Variants in IL17RB observed in about 807,000 individuals in gnomAD.
The protein encoded by IL17RB is interleukin-17 receptor B.
IL17RB carries 36 observed loss-of-function variants against 43.9 expected under a neutral mutation model. The observed-to-expected ratio is 0.82, with a 90% CI of 0.63 to 1.08. The LOEUF (loss-of-function observed/expected upper bound fraction) is 1.08, where lower values mean the gene tolerates loss of function less well. IL17RB is among the 50% of genes least tolerant of loss of function. IL17RB has a pLI of 0.00. For missense variants in IL17RB, 613 were observed against 613.6 expected (o/e 1.00, Z 0.01); for synonymous variants, 225 against 225.4 (o/e 1.00, Z 0.02).
chr3:53,846,920 G>A (rs747338690), intron 1 of IL17RB, among the ~76,000 whole-genome samples: 35 of 152,194 alleles, frequency 2.3e-4, no homozygotes, highest in Non-Finnish European at 5.1e-4. Flanking sequence ...ACGGTAAAAC[G>A]AAGGGCAGTA....
At chr3:53,860,015 TA>T in intron 9 of IL17RB, 114 bp from the exon 10 acceptor site, 1 of 753,356 alleles carries the variant, frequency 1.3e-6, no homozygotes, top group Non-Finnish European at 2.1e-6. Context: ...GTCTCAAAAC[TA>T]AAAAATAATA....
chr3:53,848,572 T>G, intron 1 of IL17RB, 92 bp from the exon 2 acceptor site: 1 of 1,259,530 alleles, frequency 7.9e-7, no homozygotes, highest in South Asian at 1.2e-5. Flanking sequence ...GTATATGCAT[T>G]TAAGGGGAAA....
rs1699444956 is a variant in IL17RB at position 53,858,733 on chromosome 3, T to C, written c.762T>C (p.Phe254=). 5.0e-6 allele frequency: 8 copies of C among 1,614,104 alleles called. No homozygotes were observed. Among genetic ancestry groups the C allele is most frequent in the Non-Finnish European group, 6.8e-6 (8 of 1,179,986 alleles). Residue 254 remains phenylalanine (F), a synonymous_variant, in exon 9 of 11, where the codon TTT becomes TTC. Transcript: ENST00000288167. Reference sequence around the variant, plus strand: ...TTTTTCCTCAGCTGACTCCATATTTTCCTACTTGTGGCAGCGACTGCATCC... The same window carrying C: ...TTTTTCCTCAGCTGACTCCATATTTCCCTACTTGTGGCAGCGACTGCATCC... ...EGATVQLTPY[F]PTCGSDCIRH... is the part of the protein sequence containing the mutation.
At chr3:53,851,201 C>G (rs1371768905) in intron 3 of IL17RB, among the ~76,000 whole-genome samples, 1 of 152,164 alleles carries the variant, frequency 6.6e-6, no homozygotes, top group Non-Finnish European at 1.5e-5. Context: ...CTGCTAAATT[C>G]AGATCGGAAA....
chr3:53,862,019 C>G (rs181778625), intron 10 of IL17RB, among the ~76,000 whole-genome samples: 3 of 152,322 alleles, frequency 2.0e-5, no homozygotes, highest in Admixed American at 2.0e-4. Flanking sequence ...AAAAGATAAA[C>G]ACCAGCTGCC....
chr3:53,849,298 A>G (rs1451520313), intron 2 of IL17RB, among the ~76,000 whole-genome samples: 1 of 152,216 alleles, frequency 6.6e-6, no homozygotes, highest in Non-Finnish European at 1.5e-5. Flanking sequence ...GAAAGCCAGG[A>G]GGTTGAGAGT....
At position 53,865,132 on chromosome 3, in the gene IL17RB, G is replaced by A. The variant is rs569064327; in HGVS notation, c.1333G>A (p.Val445Met). ...CCAGATTCATCTGCACAAATACGTG[G>A]TGGTCTACTTTAGAGAGATTGATAC... The part of the protein sequence containing the change: ...RSQIHLHKYV[V>M]VYFREIDTKD... The change falls in exon 11 of 11, where the codon GTG (valine) becomes ATG (methionine). Residue 445 changes from valine to methionine, a missense_variant. Val to Met is a conservative substitution (Grantham distance 21). Transcript: ENST00000288167. 6.2e-7 allele frequency: 1 copy of A among 1,614,158 alleles called. No individual in the cohort carries two copies. The highest frequency in any genetic ancestry group is 2.2e-5 in the East Asian group (1 of 44,882).
Position 53,856,978 on chromosome 3 carries a change from G to A in IL17RB, c.664G>A (p.Val222Met), listed in dbSNP as rs1326479118. The change falls in exon 7 of 11, where the codon GTG (valine) becomes ATG (methionine). Residue 222 changes from valine (V) to methionine (M), a missense_variant. Transcript: ENST00000288167. ...CAGCACTATCATCGGGTTTTCTCAG[G>A]TGTTTGAGGTACTTTTTCTCTTCGT... ...QHSTIIGFSQVFEPHQKKQTR... is the reference protein window; with the variant it reads ...QHSTIIGFSQMFEPHQKKQTR... 1 of 1,613,948 alleles carries A rather than the reference G, an allele frequency of 6.2e-7. No individual in the cohort carries two copies. The highest frequency in any genetic ancestry group is 1.3e-5 in the African/African-American group (1 of 75,030).
At chr3:53,848,299 C>A (rs1328753618) in intron 1 of IL17RB, among the ~76,000 whole-genome samples, 1 of 152,222 alleles carries the variant, frequency 6.6e-6, no homozygotes, top group Non-Finnish European at 1.5e-5. Flanking sequence ...CTAGGCCGTC[C>A]TAAAAACCTA....
chr3:53,858,660 T>C, intron 8 of IL17RB, 59 bp from the exon 9 acceptor site: 1 of 1,593,350 alleles, frequency 6.3e-7, no homozygotes, highest in Non-Finnish European at 8.6e-7. Context: ...GTAGGAGTCT[T>C]GGTGAGATTT....
At position 53,865,151 on chromosome 3, in the gene IL17RB, T is replaced by G. The variant is rs2232350; in HGVS notation, c.1352T>G (p.Ile451Ser). 6.2e-7 allele frequency: 1 copy of G among 1,614,144 alleles called. No individual in the cohort carries two copies. The highest frequency in any genetic ancestry group is 8.5e-7 in the Non-Finnish European group (1 of 1,180,036). The change falls in exon 11 of 11, where the codon ATT becomes AGT. Residue 451 changes from isoleucine to serine, a missense_variant. Transcript: ENST00000288167. ...TACGTGGTGGTCTACTTTAGAGAGA[T>G]TGATACAAAAGACGATTACAATGCT... ...HKYVVVYFRE[I>S]DTKDDYNALS...
chr3:53,856,927 AAC>A lies in IL17RB; in HGVS notation c.615_616del (p.Asn205LysfsTer19). The A allele has an allele frequency of 6.2e-7, 1 of 1,614,128 alleles. No homozygotes were observed. The highest frequency in any genetic ancestry group is 1.7e-5 in the Admixed American group (1 of 60,030). ...EVNFTTTPLG[N>X]RYMALIQHST... ...GAACTTCACAACCACTCCCCTGGGA[AAC>A]AGATACATGGCTCTTATCCAACACA... On this transcript the variant is annotated frameshift_variant, in exon 7 of 11. Transcript: ENST00000288167. LOFTEE classifies it high-confidence loss of function.
At chr3:53,849,558 A>C in intron 2 of IL17RB, 97 bp from the exon 3 acceptor site, 1 of 1,079,388 alleles carries the variant, frequency 9.3e-7, no homozygotes, top group Admixed American at 2.9e-5. Context: ...AGGAATTGTG[A>C]ATGGGGGAAG....
chr3:53,858,819 G>GT lies in IL17RB; in HGVS notation c.847+2dup, dbSNP rs1222551858. 7.4e-6 allele frequency: 12 copies of GT among 1,611,272 alleles called. No homozygotes were observed. Among genetic ancestry groups the GT allele is most frequent in the Non-Finnish European group, 1.0e-5 (12 of 1,177,474 alleles). On this transcript the variant is annotated splice_donor_variant, in intron 9 of 10. Transcript: ENST00000288167. LOFTEE classifies it high-confidence loss of function. ...GGCGTCCCTTTCCCTCTGGATAACA[G>GT]TAAGTGCCCAGTAACTTCAACCAGA...
intron 4 of IL17RB, among the ~76,000 whole-genome samples, chr3:53,852,425 G>A (rs778780611): frequency 6.6e-6 from 1 of 152,156 alleles, no homozygotes; most frequent in Non-Finnish European, 1.5e-5. Context: ...ATGAGCCACT[G>A]TATCCGGGCA....
chr3:53,846,649 G>A lies in IL17RB; in HGVS notation c.60+1G>A, dbSNP rs868190466. The A allele has an allele frequency of 1.3e-6, 2 of 1,590,046 alleles. No homozygotes were observed. The highest frequency in any genetic ancestry group is 2.3e-5 in the East Asian group (1 of 42,834). On this transcript the variant is annotated splice_donor_variant, in intron 1 of 10. Transcript: ENST00000288167. LOFTEE classifies it high-confidence loss of function. ...CAGGAGCGCCGTACCCCGAGAGCCG[G>A]TAAGCCCCCGCCAGCACCTCTTCCC...
Position 53,858,908 on chromosome 3 carries a change from G to A in IL17RB, c.847+90G>A, listed in dbSNP as rs2232347. Reference sequence around the variant, plus strand: ...CAGTATGTGGAAGGGTTGTGTGTATGTGGGCAGTGCAAGGGGTCGCTGCCT... The same window carrying A: ...CAGTATGTGGAAGGGTTGTGTGTATATGGGCAGTGCAAGGGGTCGCTGCCT... On this transcript the variant is annotated intron_variant, in intron 9 of 10. Coordinates refer to ENST00000288167, the MANE Select transcript of IL17RB (RefSeq NM_018725.4). The A allele has an allele frequency of 1.8e-4, 189 of 1,054,006 alleles. 1 individual carries two copies. The East Asian group carries it at 4.4e-3, about 25-fold the overall frequency. The allele number at this position is 1,054,006 out of a possible 1,614,324, so 65.3% of individuals were successfully genotyped here. A position where few individuals can be genotyped will look rare whatever the true frequency, so the allele number is the denominator to read the frequency against.
chr3:53,857,099 G>A, intron 7 of IL17RB, 113 bp downstream of exon 7: 1 of 1,117,890 alleles, frequency 8.9e-7, no homozygotes, highest in Non-Finnish European at 1.3e-6. Flanking sequence ...GAATTCAACA[G>A]ATAAAAACAA....
chr3:53,860,073 A>G, intron 9 of IL17RB, 57 bp from the exon 10 acceptor site: 1 of 1,165,420 alleles, frequency 8.6e-7, no homozygotes, highest in Non-Finnish European at 1.3e-6. Context: ...TAGTTTTTAA[A>G]TTAAGAGATA....
Sources: allele counts gnomAD v4.1 joint callset (sites outside exome capture counted in the v4.1 genomes callset), GRCh38; gene constraint gnomAD v4.1.1; transcripts MANE v1.5; gene names NCBI Gene and HGNC (gene_info 2026-07-23, HGNC 2026-07-21).